The following MYO10 variants were observed in gnomAD, a reference collection of about 807,000 sequenced individuals.
The protein encoded by MYO10 is myosin X, also known as unconventional myosin-X.
A neutral mutation model predicts 257.3 loss-of-function variants in MYO10; 133 were observed. The ratio of observed to expected loss-of-function variants is 0.52; its 90% CI spans 0.45 to 0.60. MYO10 has a LOEUF of 0.60. Among genes scored for constraint, MYO10 ranks in the 20% least tolerant of loss-of-function variants. The pLI, the probability that MYO10 is intolerant of heterozygous loss-of-function variation, is 0.00. For missense variants in MYO10, 2,399 were observed against 2,635.7 expected, an observed-to-expected ratio of 0.91 and a Z score of 1.97; for synonymous variants, 1,104 against 1,028.6, an observed-to-expected ratio of 1.07 and a Z score of -1.40.
intron 9 of MYO10, among the ~76,000 whole-genome samples, chr5:16,771,033 G>A (rs1367186081): frequency 6.6e-6 from 1 of 152,162 alleles, no homozygotes; most frequent in Non-Finnish European, 1.5e-5. Context: ...TTCCCAAAGT[G>A]CCAGGATTAC....
At position 16,818,033 on chromosome 5, in the gene MYO10, C is replaced by T. The variant is rs763086682; in HGVS notation, c.255G>A (p.Gln85=). 6.3e-7 allele frequency: 1 copy of T among 1,593,186 alleles called. No homozygotes were observed. Among genetic ancestry groups the T allele is most frequent in the Middle Eastern group, 1.7e-4 (1 of 6,008 alleles). Residue 85 remains glutamine (Q), a synonymous_variant, in exon 3 of 41, where the codon CAG becomes CAA. Coordinates refer to ENST00000513610, the MANE Select transcript of MYO10 (RefSeq NM_012334.3). ...HGGSIMYNLF[Q]RYKRNQIYTY... Reference sequence around the variant, plus strand: ...CATATATTTGATTTCTCTTATACCGCTGGAATAAGTTATACATGATGGAGC... The same window carrying T: ...CATATATTTGATTTCTCTTATACCGTTGGAATAAGTTATACATGATGGAGC...
intron 17 of MYO10, among the ~76,000 whole-genome samples, chr5:16,760,570 G>A (rs966329904): frequency 2.0e-5 from 3 of 151,890 alleles, no homozygotes; most frequent in Non-Finnish European, 2.9e-5. Context: ...TTGATTTAAT[G>A]GTGTAAATTT....
chr5:16,730,859 A>G (rs1389578670), intron 19 of MYO10, among the ~76,000 whole-genome samples: 1 of 152,126 alleles, frequency 6.6e-6, no homozygotes, highest in African/African-American at 2.4e-5. Context: ...CGGAGGATGG[A>G]AGGTGGGGTG....
chr5:16,848,152 T>TTTCTTTTTTTTTTTTTTTTC (rs1360411878), intron 2 of MYO10, among the ~76,000 whole-genome samples: 22 of 134,744 alleles, frequency 1.6e-4, no homozygotes, highest in African/African-American at 6.1e-4. Context: ...GAACTACACA[T>TTTCTTTTTTTTTTTTTTTTC]TTCTTTTTTT....
intron 1 of MYO10, among the ~76,000 whole-genome samples, chr5:16,911,775 T>C (rs990963999): frequency 1.3e-5 from 2 of 152,114 alleles, no homozygotes; most frequent in Middle Eastern, 3.4e-3. Context: ...CGGTGGCTCA[T>C]GCCTGTAATC....
At chr5:16,699,905 C>A (rs1195493624) in intron 25 of MYO10, among the ~76,000 whole-genome samples, 1 of 151,628 alleles carries the variant, frequency 6.6e-6, no homozygotes. Flanking sequence ...CTTTTAAGGT[C>A]AAATGGTCAG....
chr5:16,673,281 T>C (rs953249407), intron 36 of MYO10, among the ~76,000 whole-genome samples: 1 of 151,938 alleles, frequency 6.6e-6, no homozygotes, highest in African/African-American at 2.4e-5. Context: ...GGTTTTATAA[T>C]AGTAAGTTCA....
intron 25 of MYO10, among the ~76,000 whole-genome samples, chr5:16,699,915 G>C (rs940586409): frequency 6.6e-6 from 1 of 151,994 alleles, no homozygotes; most frequent in African/African-American, 2.4e-5. Context: ...CAAATGGTCA[G>C]TTGAATTGAT....
chr5:16,819,461 G>A (rs1328950143), intron 2 of MYO10, among the ~76,000 whole-genome samples: 8 of 151,948 alleles, frequency 5.3e-5, no homozygotes, highest in African/African-American at 1.5e-4. Flanking sequence ...ATTTGATTGC[G>A]GAGTTCCACT....
At chr5:16,873,615 G>A (rs1211378279) in intron 2 of MYO10, among the ~76,000 whole-genome samples, 1 of 152,220 alleles carries the variant, frequency 6.6e-6, no homozygotes, top group Non-Finnish European at 1.5e-5. Context: ...CCCCACCCCT[G>A]CAGCAAACTT....
chr5:16,676,288 G>C (rs898415980), intron 33 of MYO10, 134 bp from the exon 34 acceptor site: 4 of 1,000,568 alleles, frequency 4.0e-6, no homozygotes, highest in Non-Finnish European at 5.8e-6. Flanking sequence ...TGGTTTCATG[G>C]ACGAAGATAC....
At chr5:16,710,883 G>GA (rs1561200749) in intron 21 of MYO10, 25 bp downstream of exon 21, 1 of 1,588,244 alleles carries the variant, frequency 6.3e-7, no homozygotes, top group Admixed American at 1.7e-5. Context: ...GATTCGGTGG[G>GA]AGTTGCTCTT....
chr5:16,889,314 G>A (rs1179539883), intron 1 of MYO10, among the ~76,000 whole-genome samples: 1 of 152,094 alleles, frequency 6.6e-6, no homozygotes, highest in Non-Finnish European at 1.5e-5. Flanking sequence ...GCTGAGGCAG[G>A]AGAATTGCTT....
At chr5:16,730,837 T>G (rs1373242899) in intron 19 of MYO10, among the ~76,000 whole-genome samples, 2 of 152,192 alleles carry the variant, frequency 1.3e-5, no homozygotes, top group African/African-American at 4.8e-5. Context: ...AAGACAGGGA[T>G]GCAGCACGCT....
chr5:16,909,118 G>C (rs1745589208), intron 1 of MYO10, among the ~76,000 whole-genome samples: 1 of 152,140 alleles, frequency 6.6e-6, no homozygotes, highest in Non-Finnish European at 1.5e-5. Flanking sequence ...TGGGTGGAGA[G>C]GCCTCACAAT....
At chr5:16,784,752 C>T (rs776615381) in intron 4 of MYO10, among the ~76,000 whole-genome samples, 4 of 152,104 alleles carry the variant, frequency 2.6e-5, no homozygotes. Context: ...AGAGCTGGGA[C>T]GTTATCAAGA....
At chr5:16,853,381 A>T (rs1743869158) in intron 2 of MYO10, among the ~76,000 whole-genome samples, 1 of 152,104 alleles carries the variant, frequency 6.6e-6, no homozygotes, top group Non-Finnish European at 1.5e-5. Context: ...CTCAAAAAAA[A>T]AAAAAAATTC....
At chr5:16,726,236 T>A (rs1739363270) in intron 19 of MYO10, among the ~76,000 whole-genome samples, 1 of 152,214 alleles carries the variant, frequency 6.6e-6, no homozygotes, top group African/African-American at 2.4e-5. Flanking sequence ...CAAGTCAGCA[T>A]GGTTCCATTC....
At chr5:16,904,471 G>A (rs1745466782) in intron 1 of MYO10, among the ~76,000 whole-genome samples, 2 of 152,198 alleles carry the variant, frequency 1.3e-5, no homozygotes, top group South Asian at 4.1e-4. Flanking sequence ...ATCAAAAATG[G>A]GGAGCAGACT....
Sources: allele counts gnomAD v4.1 joint callset (sites outside exome capture counted in the v4.1 genomes callset), GRCh38; gene constraint gnomAD v4.1.1; transcripts MANE v1.5; gene names NCBI Gene and HGNC (gene_info 2026-07-23, HGNC 2026-07-21).